The following DOCK1 variants were observed in gnomAD, a reference collection of about 807,000 sequenced individuals.
The protein encoded by DOCK1 is dedicator of cytokinesis protein 1.
Under a neutral mutation model 262.7 loss-of-function variants are expected in DOCK1, and 138 were observed. The observed-to-expected ratio is 0.53, with a 90% CI of 0.46 to 0.61. The LOEUF (loss-of-function observed/expected upper bound fraction) is 0.61. DOCK1 is among the 20% of genes least tolerant of loss of function. The probability of loss-of-function intolerance (pLI) is 0.00; values close to 1 mark genes in which losing one functional copy is unlikely to be tolerated. For synonymous variants in DOCK1, 866 were observed against 867.4 expected, an observed-to-expected ratio of 1.00 and a Z score of 0.03; for missense variants, 1,908 against 2,370.7, an observed-to-expected ratio of 0.80 and a Z score of 4.05.
chr10:126,945,569 C>A (rs2035336305), intron 1 of DOCK1, among the ~76,000 whole-genome samples: 3 of 152,060 alleles, frequency 2.0e-5, no homozygotes, highest in African/African-American at 7.2e-5. Flanking sequence ...ATTTTATTGG[C>A]TAGAAGTGAG....
At chr10:127,159,189 T>G (rs1359730195) in intron 27 of DOCK1, among the ~76,000 whole-genome samples, 1 of 152,148 alleles carries the variant, frequency 6.6e-6, no homozygotes, top group African/African-American at 2.4e-5. Context: ...TGGAGTCCAG[T>G]TTTTGAGTCA....
Position 127,437,395 on chromosome 10 carries a change from T to C in DOCK1, c.5061-1632T>C, listed in dbSNP as rs2069761954. 6.6e-6 allele frequency among the ~76,000 whole-genome samples: 1 copy of C among 152,222 alleles called. No homozygotes were observed. Among genetic ancestry groups the C allele is most frequent in the Non-Finnish European group, 1.5e-5 (1 of 68,044 alleles). ...ATGATCCTTCCCTTCCTGGTTCATC[T>C]TACTCCCCATTATGGGACACACAAC... On this transcript the variant is annotated intron_variant, in intron 48 of 51. Transcript: ENST00000623213. This position sits in a 1 kb window ranked among gnomAD's most constrained non-coding sequence, Gnocchi z 4.4.
intron 1 of DOCK1, among the ~76,000 whole-genome samples, chr10:126,920,968 G>A (rs558904423): frequency 3.3e-5 from 5 of 152,148 alleles, no homozygotes; most frequent in African/African-American, 4.8e-5. Flanking sequence ...AGGCCGAGGC[G>A]GGCAGATCAC....
At chr10:127,216,925 G>A (rs2058240388) in intron 27 of DOCK1, among the ~76,000 whole-genome samples, 1 of 152,190 alleles carries the variant, frequency 6.6e-6, no homozygotes, top group Non-Finnish European at 1.5e-5. Flanking sequence ...CATGGGGCCT[G>A]TCACAACTGG....
At chr10:127,280,121 G>A (rs1280853231) in intron 29 of DOCK1, among the ~76,000 whole-genome samples, 4 of 146,714 alleles carry the variant, frequency 2.7e-5, no homozygotes, top group Non-Finnish European at 4.5e-5. Context: ...TGCAAGCTCC[G>A]CCTCCCGGGT....
At chr10:127,072,644 A>G (rs965459397) in intron 23 of DOCK1, among the ~76,000 whole-genome samples, 1 of 152,188 alleles carries the variant, frequency 6.6e-6, no homozygotes, top group Admixed American at 6.5e-5. Context: ...TGGTTTGGAG[A>G]GAACTGTGCT....
chr10:127,445,766 G>A (rs1187859376), intron 50 of DOCK1, among the ~76,000 whole-genome samples: 3 of 152,196 alleles, frequency 2.0e-5, no homozygotes, highest in African/African-American at 4.8e-5. Flanking sequence ...TCCATCAACT[G>A]ATGGCCAGAT....
At chr10:127,027,145 G>C (rs530461447) in intron 16 of DOCK1, among the ~76,000 whole-genome samples, 3 of 152,186 alleles carry the variant, frequency 2.0e-5, no homozygotes, top group Non-Finnish European at 4.4e-5. Context: ...CTTGTGTGCC[G>C]CAGGCAGTTA....
chr10:127,298,905 A>C (rs990181251), intron 29 of DOCK1, among the ~76,000 whole-genome samples: 2 of 152,160 alleles, frequency 1.3e-5, no homozygotes, highest in African/African-American at 4.8e-5. Context: ...TTCATAAAGT[A>C]ATTCGGATGA....
intron 1 of DOCK1, among the ~76,000 whole-genome samples, chr10:126,952,868 GTAT>G (rs1281062498): frequency 2.3e-4 from 21 of 93,250 alleles, no homozygotes; most frequent in Admixed American, 5.9e-4. Flanking sequence ...TGATGTGGTA[GTAT>G]TGTTATTGTT....
At position 127,093,223 on chromosome 10, in the gene DOCK1, C is replaced by CTTTCTTTCT. The variant is rs2047666729; in HGVS notation, c.2446-13005_2446-12997dup. 5.8e-4 allele frequency among the ~76,000 whole-genome samples: 55 copies of CTTTCTTTCT among 94,498 alleles called. 1 individual carries two copies. Among genetic ancestry groups the CTTTCTTTCT allele is most frequent in the African/African-American group, 2.2e-3 (44 of 20,236 alleles). 62.0% of individuals were successfully genotyped at this position (94,498 alleles called of 152,430 possible). A position where few individuals can be genotyped will look rare whatever the true frequency, so the allele number is the denominator to read the frequency against. On this transcript the variant is annotated intron_variant, in intron 23 of 51. Transcript: ENST00000623213. ...TTTTCTTTCTTTCTTTCTTTCTTTT[C>CTTTCTTTCT]TTTCTTTCTTTCTTTCTTCTTTTTT...
intron 23 of DOCK1, among the ~76,000 whole-genome samples, chr10:127,097,159 T>C (rs552790227): frequency 5.3e-5 from 8 of 152,188 alleles, no homozygotes; most frequent in Non-Finnish European, 1.0e-4. Context: ...ATTTCAGCAA[T>C]TAGAAAACTT....
intron 9 of DOCK1, among the ~76,000 whole-genome samples, 165 bp from the exon 10 acceptor site, chr10:127,000,007 A>G (rs2040474595): frequency 6.6e-6 from 1 of 152,202 alleles, no homozygotes; most frequent in South Asian, 2.1e-4. Context: ...ACTTAACAGT[A>G]ATTGACTATT....
chr10:127,368,145 A>G (rs1461019403), intron 33 of DOCK1, among the ~76,000 whole-genome samples: 1 of 152,094 alleles, frequency 6.6e-6, no homozygotes, highest in Non-Finnish European at 1.5e-5. Context: ...AGCATCAGAG[A>G]CCTTCCGTCT....
intron 23 of DOCK1, among the ~76,000 whole-genome samples, chr10:127,090,374 T>G (rs995512682): frequency 5.9e-5 from 9 of 151,986 alleles, no homozygotes; most frequent in Non-Finnish European, 2.9e-5. Flanking sequence ...TCTGCTGCAG[T>G]GTGAGTGACA....
chr10:127,451,371 C>G lies in DOCK1; in HGVS notation c.5605C>G (p.Pro1869Ala). The G allele has an allele frequency of 6.2e-7, 1 of 1,600,538 alleles. No homozygotes were observed. Among genetic ancestry groups the G allele is most frequent in the Non-Finnish European group, 8.5e-7 (1 of 1,173,698 alleles). Residue 1869 changes from proline to alanine, a missense_variant, in exon 52 of 52, where the codon CCC (proline) becomes GCC (alanine). By Grantham distance (27) the Pro-to-Ala change is conservative. Transcript: ENST00000623213. ...ACTGCCCAGCAAAACTCCGCCTCCTCCCCCTCCAAAGACAACTCGCAAGCA... is the reference window on the plus strand; with the variant it reads ...ACTGCCCAGCAAAACTCCGCCTCCTGCCCCTCCAAAGACAACTCGCAAGCA... ...PPLPSKTPPP[P>A]PPKTTRKQAS...
rs954923840 is a variant in DOCK1, at chr10:126,995,685, AG to A, written c.474-1060del. On this transcript the variant is annotated intron_variant, in intron 6 of 51. Transcript: ENST00000623213. This position sits in a 1 kb window ranked among gnomAD's most constrained non-coding sequence, Gnocchi z 5.8. ...GGAGAGGGAGACCGTGGAGAGGGAG[AG>A]GGAGAGGGAGAATGTACTGTTATAG... Among the ~76,000 whole-genome samples the A allele has an allele frequency of 1.1e-4, 17 of 151,946 alleles. No homozygotes were observed. The highest frequency in any genetic ancestry group is 9.8e-4 in the Admixed American group (15 of 15,254).
At chr10:127,265,397 T>C (rs956561609) in intron 29 of DOCK1, among the ~76,000 whole-genome samples, 1 of 151,866 alleles carries the variant, frequency 6.6e-6, no homozygotes. Flanking sequence ...AAAAAAAAAA[T>C]CATGGCCATA....
chr10:127,279,248 C>A (rs2060856600), intron 29 of DOCK1, among the ~76,000 whole-genome samples: 1 of 152,188 alleles, frequency 6.6e-6, no homozygotes, highest in African/African-American at 2.4e-5. Flanking sequence ...AAAATCAAAG[C>A]ATTTCATATT....
Sources: allele counts gnomAD v4.1 joint callset (sites outside exome capture counted in the v4.1 genomes callset), GRCh38; gene constraint gnomAD v4.1.1; non-coding constraint Gnocchi (gnomAD v3.1); transcripts MANE v1.5; gene names NCBI Gene and HGNC (gene_info 2026-07-23, HGNC 2026-07-21).